The following CCDC7 variants were observed in gnomAD, a reference collection of about 807,000 sequenced individuals.
CCDC7 encodes the protein coiled-coil domain containing 7.
A neutral mutation model predicts 196.9 loss-of-function variants in CCDC7; 183 were observed. That is an observed-to-expected ratio of 0.93 (90% CI 0.82 to 1.05). The LOEUF (loss-of-function observed/expected upper bound fraction) is 1.05. Among genes scored for constraint, CCDC7 ranks in the 50% least tolerant of loss-of-function variants. The probability of loss-of-function intolerance (pLI) is 0.00; values close to 1 mark genes in which losing one functional copy is unlikely to be tolerated. For missense variants in CCDC7, 1,540 were observed against 1,482.2 expected, an observed-to-expected ratio of 1.04 and a Z score of -0.64; for synonymous variants, 525 against 484.6, an observed-to-expected ratio of 1.08 and a Z score of -1.10.
intron 9 of CCDC7, among the ~76,000 whole-genome samples, chr10:32,508,651 C>T (rs547957389): frequency 3.0e-4 from 45 of 151,992 alleles, no homozygotes; most frequent in Middle Eastern, 3.4e-3. Context: ...GATACGGAGT[C>T]TCACTCTGTC....
At chr10:32,859,590 C>T (rs2093894117) in intron 41 of CCDC7, among the ~76,000 whole-genome samples, 1 of 151,630 alleles carries the variant, frequency 6.6e-6, no homozygotes, top group African/African-American at 2.4e-5. Context: ...GAAGGAGAGA[C>T]ACAAAAAACC....
intron 8 of CCDC7, among the ~76,000 whole-genome samples, chr10:32,488,966 T>C (rs2041720879): frequency 1.3e-5 from 2 of 152,112 alleles, no homozygotes; most frequent in Admixed American, 6.5e-5. Flanking sequence ...GTGGTTGATA[T>C]GGGTAAAAAT....
intron 29 of CCDC7, among the ~76,000 whole-genome samples, chr10:32,788,404 G>C (rs75716724): frequency 1.3e-3 from 196 of 152,308 alleles, no homozygotes; most frequent in Non-Finnish European, 2.2e-3. Flanking sequence ...TCCAGCCTCA[G>C]ATTCCAGGCC....
intron 13 of CCDC7, among the ~76,000 whole-genome samples, chr10:32,559,947 C>T (rs2055145265): frequency 6.6e-6 from 1 of 152,118 alleles, no homozygotes; most frequent in Non-Finnish European, 1.5e-5. Context: ...GAATGTATAA[C>T]TAGAATAACC....
chr10:32,483,323 G>C (rs1006238036), intron 8 of CCDC7, among the ~76,000 whole-genome samples: 3 of 152,112 alleles, frequency 2.0e-5, no homozygotes, highest in African/African-American at 7.2e-5. Context: ...GTTCATACCT[G>C]TTGCACACTT....
chr10:32,471,950 G>C (rs1042583647), intron 6 of CCDC7, among the ~76,000 whole-genome samples: 4 of 152,074 alleles, frequency 2.6e-5, no homozygotes, highest in Non-Finnish European at 5.9e-5. Flanking sequence ...AGCGATTTTT[G>C]TAGTAACTTT....
intron 28 of CCDC7, among the ~76,000 whole-genome samples, chr10:32,749,371 C>T (rs1244403062): frequency 6.6e-6 from 1 of 152,146 alleles, no homozygotes. Context: ...TGACTTATAG[C>T]ATCCTTCCAT....
intron 1 of CCDC7, among the ~76,000 whole-genome samples, 169 bp from the exon 3 acceptor site, chr10:32,453,175 G>C (rs187825944): frequency 6.6e-6 from 1 of 152,268 alleles, no homozygotes; most frequent in Non-Finnish European, 1.5e-5. Flanking sequence ...TTCTCCTCAT[G>C]ATGACATGAA....
chr10:32,824,673 T>G, intron 32 of CCDC7, 69 bp downstream of exon 33: 8 of 1,008,030 alleles, frequency 7.9e-6, no homozygotes, highest in Non-Finnish European at 1.2e-5. Flanking sequence ...TATGTATCTC[T>G]AATGACAACA....
At chr10:32,758,667 T>C (rs1204288217) in intron 28 of CCDC7, among the ~76,000 whole-genome samples, 1 of 152,092 alleles carries the variant, frequency 6.6e-6, no homozygotes, top group Non-Finnish European at 1.5e-5. Flanking sequence ...ACTGGAAGCA[T>C]TCCCTTTGAA....
At chr10:32,765,976 C>T (rs1440679871) in intron 28 of CCDC7, among the ~76,000 whole-genome samples, 1 of 152,070 alleles carries the variant, frequency 6.6e-6, no homozygotes, top group African/African-American at 2.4e-5. Flanking sequence ...AGTTCTCCCA[C>T]TCTCTATCAT....
At chr10:32,717,705 A>C (rs2081826780) in intron 25 of CCDC7, among the ~76,000 whole-genome samples, 1 of 152,166 alleles carries the variant, frequency 6.6e-6, no homozygotes, top group African/African-American at 2.4e-5. Flanking sequence ...ATCACCCCTG[A>C]TCCCACAGAA....
At chr10:32,656,888 G>A (rs1338570837) in intron 20 of CCDC7, among the ~76,000 whole-genome samples, 1 of 152,176 alleles carries the variant, frequency 6.6e-6, no homozygotes, top group East Asian at 1.9e-4. Context: ...TTACTTTCCA[G>A]ATACAATGGG....
chr10:32,635,769 GT>G (rs145629033), intron 20 of CCDC7, among the ~76,000 whole-genome samples: 2,514 of 145,566 alleles, frequency 0.017, 63 homozygotes, highest in African/African-American at 0.058. Flanking sequence ...TCCTCTTTGT[GT>G]TTTTTTTTTC....
At chr10:32,849,519 A>G (rs2093452811) in intron 39 of CCDC7, among the ~76,000 whole-genome samples, 1 of 152,034 alleles carries the variant, frequency 6.6e-6, no homozygotes, top group Non-Finnish European at 1.5e-5. Context: ...CCTGGCCAAC[A>G]TGGTGAAACC....
chr10:32,852,254 C>T (rs2093591293), intron 40 of CCDC7, among the ~76,000 whole-genome samples: 1 of 151,964 alleles, frequency 6.6e-6, no homozygotes, highest in Non-Finnish European at 1.5e-5. Flanking sequence ...TTTATGTATC[C>T]CTCTTTTATG....
chr10:32,771,418 A>G (rs1436649242), intron 28 of CCDC7, among the ~76,000 whole-genome samples: 1 of 152,200 alleles, frequency 6.6e-6, no homozygotes, highest in Non-Finnish European at 1.5e-5. Context: ...TTCTTGGTTG[A>G]CAGTTATTCT....
chr10:32,684,364 G>T (rs977534783), intron 21 of CCDC7, among the ~76,000 whole-genome samples: 3 of 152,144 alleles, frequency 2.0e-5, no homozygotes, highest in African/African-American at 7.2e-5. Context: ...GTGTCAGTCT[G>T]GGGGCCCCAG....
At chr10:32,529,063 C>T (rs2049209425) in intron 11 of CCDC7, among the ~76,000 whole-genome samples, 3 of 151,752 alleles carry the variant, frequency 2.0e-5, no homozygotes, top group Non-Finnish European at 4.4e-5. Context: ...GCCCTGTCAC[C>T]CAGGCTGGAG....
Sources: gnomAD v4.1 joint callset for allele counts (sites outside exome capture counted in the v4.1 genomes callset) on GRCh38, gnomAD v4.1.1 for gene constraint, MANE v1.5 for transcripts, NCBI Gene and HGNC (gene_info 2026-07-23, HGNC 2026-07-21) for gene names.